The following MYO5B variants were observed in gnomAD, a reference collection of about 807,000 sequenced individuals.
The protein encoded by MYO5B is myosin VB.
Under a neutral mutation model 229.3 loss-of-function variants are expected in MYO5B, and 143 were observed. The ratio of observed to expected loss-of-function variants is 0.62; its 90% CI spans 0.54 to 0.72. MYO5B has a LOEUF of 0.72. MYO5B is among the 30% of genes least tolerant of loss of function. The pLI is 0.00. For missense variants in MYO5B, 2,321 were observed against 2,331.0 expected, an observed-to-expected ratio of 1.00 and a Z score of 0.09; for synonymous variants, 918 against 885.2, an observed-to-expected ratio of 1.04 and a Z score of -0.66.
At chr18:50,076,768 C>CTG (rs1227352943) in intron 1 of MYO5B, among the ~76,000 whole-genome samples, 4 of 152,162 alleles carry the variant, frequency 2.6e-5, no homozygotes, top group Admixed American at 6.5e-5. Flanking sequence ...CAGAAGCTCC[C>CTG]TGTGTGTGTC....
chr18:50,055,225 G>GGGCCCCCCCCCCCCCC, intron 2 of MYO5B, 43 bp downstream of exon 2: 2 of 700,368 alleles, frequency 2.9e-6, no homozygotes, highest in East Asian at 2.7e-5. Flanking sequence ...TGAGCTCCCT[G>GGGCCCCCCCCCCCCCC]CCCCACCTCA....
chr18:49,974,624 G>T lies in MYO5B; in HGVS notation c.1057-9C>A. The T allele has an allele frequency of 1.2e-6, 2 of 1,612,346 alleles. No homozygotes were observed. The highest frequency in any genetic ancestry group is 1.7e-6 in the Non-Finnish European group (2 of 1,179,050). On this transcript the variant is annotated splice_polypyrimidine_tract_variant and intron_variant, in intron 9 of 39. Coordinates refer to ENST00000285039, the MANE Select transcript of MYO5B (RefSeq NM_001080467.3). The stretch of plus-strand genomic sequence containing the variant: ...AGGTATACATCCTGGGGCTGTGGGA[G>T]ATGGGGGAGATAGGTTCAGGAGGAG...
chr18:49,962,406 G>C lies in MYO5B; in HGVS notation c.1405C>G (p.His469Asp). 1 of 1,614,116 alleles carries C rather than the reference G, an allele frequency of 6.2e-7. No homozygotes were observed. The highest frequency in any genetic ancestry group is 8.5e-7 in the Non-Finnish European group (1 of 1,180,006). Residue 469 changes from histidine (H) to aspartate (D), a missense_variant and splice_region_variant, in exon 12 of 40, where the codon CAT becomes GAT. Transcript: ENST00000285039. ...TCTTCTTGCTCCAGTTTGAAAACAT[G>C]CTAGGGCAAGTAAAAAGGTCACACG... ...NEKLQQQFNS[H>D]VFKLEQEEYM...
chr18:50,192,639 G>A (rs551767078), intron 1 of MYO5B, among the ~76,000 whole-genome samples: 16 of 152,294 alleles, frequency 1.1e-4, no homozygotes, highest in African/African-American at 3.6e-4. Flanking sequence ...TCTCAAAGAA[G>A]AGCAATTTTG....
At chr18:50,063,268 G>A (rs2030734753) in intron 1 of MYO5B, among the ~76,000 whole-genome samples, 1 of 152,170 alleles carries the variant, frequency 6.6e-6, no homozygotes, top group African/African-American at 2.4e-5. Context: ...AAGTCTTCCT[G>A]AACCAGTAAT....
chr18:49,876,321 C>T (rs2144100703), intron 25 of MYO5B: 1 of 260,554 alleles, frequency 3.8e-6, no homozygotes, highest in Non-Finnish European at 7.4e-6. Flanking sequence ...CCTATTTATC[C>T]AACAGATCTT....
At chr18:50,039,371 A>AC (rs1182243137) in intron 3 of MYO5B, among the ~76,000 whole-genome samples, 1 of 152,102 alleles carries the variant, frequency 6.6e-6, no homozygotes, top group Non-Finnish European at 1.5e-5. Flanking sequence ...TCACTTTGTC[A>AC]CCCAGGCTGG....
At chr18:50,134,544 GACTCCA>G (rs1231013971) in intron 1 of MYO5B, among the ~76,000 whole-genome samples, 5 of 148,258 alleles carry the variant, frequency 3.4e-5, no homozygotes, top group African/African-American at 1.3e-4. Flanking sequence ...GATAGAGTGA[GACTCCA>G]TCTCAATAAA....
chr18:49,861,664 A>C (rs1598839531), intron 29 of MYO5B, among the ~76,000 whole-genome samples: 1 of 150,976 alleles, frequency 6.6e-6, no homozygotes, highest in South Asian at 2.1e-4. Context: ...CAGTGGCTGG[A>C]AACTGCCCCA....
At chr18:49,913,538 C>T (rs1177797760) in intron 17 of MYO5B, among the ~76,000 whole-genome samples, 1 of 152,142 alleles carries the variant, frequency 6.6e-6, no homozygotes, top group Admixed American at 6.5e-5. Flanking sequence ...CCCACCCACT[C>T]TCATCTTCCG....
At chr18:49,947,912 TTACATCTGTA>T (rs1289208923) in intron 14 of MYO5B, among the ~76,000 whole-genome samples, 2 of 152,224 alleles carry the variant, frequency 1.3e-5, no homozygotes, top group African/African-American at 4.8e-5. Context: ...TGCAGGTTTG[TTACATCTGTA>T]TACATATGTA....
At chr18:50,045,736 A>G (rs896123062) in intron 2 of MYO5B, among the ~76,000 whole-genome samples, 1 of 152,180 alleles carries the variant, frequency 6.6e-6, no homozygotes, top group Non-Finnish European at 1.5e-5. Context: ...TAAGGGTCCA[A>G]TAACTACATG....
At chr18:50,177,021 G>C (rs113249879) in intron 1 of MYO5B, among the ~76,000 whole-genome samples, 1 of 152,128 alleles carries the variant, frequency 6.6e-6, no homozygotes, top group African/African-American at 2.4e-5. Flanking sequence ...GCACTGTAAG[G>C]GAGATAATGA....
intron 1 of MYO5B, among the ~76,000 whole-genome samples, chr18:50,133,884 C>G (rs963556845): frequency 8.5e-5 from 13 of 152,172 alleles, no homozygotes; most frequent in African/African-American, 2.6e-4. Context: ...TATTTAAACA[C>G]AAAAGGGAGC....
intron 21 of MYO5B, among the ~76,000 whole-genome samples, chr18:49,898,723 T>C (rs982952269): frequency 1.3e-5 from 2 of 152,180 alleles, no homozygotes; most frequent in Non-Finnish European, 2.9e-5. Flanking sequence ...CTCAAGCCAC[T>C]CAGTTTTCTT....
intron 4 of MYO5B, among the ~76,000 whole-genome samples, chr18:50,021,240 G>A (rs2144358390): frequency 6.6e-6 from 1 of 152,310 alleles, no homozygotes; most frequent in South Asian, 2.1e-4. Context: ...CCACTGGATG[G>A]AGCAAATTAT....
chr18:50,122,767 C>T (rs192174469), intron 1 of MYO5B, among the ~76,000 whole-genome samples: 3 of 151,434 alleles, frequency 2.0e-5, no homozygotes, highest in Admixed American at 1.3e-4. Flanking sequence ...AATAAGACAC[C>T]ATTTTACATC....
chr18:49,831,145 C>A (rs2023915280), intron 39 of MYO5B, among the ~76,000 whole-genome samples: 1 of 152,062 alleles, frequency 6.6e-6, no homozygotes, highest in Non-Finnish European at 1.5e-5. Context: ...CAAAAATTAA[C>A]TCTGAATGGA....
At position 49,863,245 on chromosome 18, in the gene MYO5B, C is replaced by T; in HGVS notation, c.3926G>A (p.Gly1309Glu). The T allele has an allele frequency of 6.2e-7, 1 of 1,613,136 alleles. No individual in the cohort carries two copies. Among genetic ancestry groups the T allele is most frequent in the Non-Finnish European group, 8.5e-7 (1 of 1,179,934 alleles). ...GCCTTACCTGTTTGTCTGGCAGACC[C>T]CGTGATAGGCCTCAATGGCATCCTC... ...DQEDAIEAYH[G>E]VCQTNSKTED... The change falls in exon 29 of 40, where the codon GGG becomes GAG. Residue 1309 changes from glycine (G) to glutamate (E), a missense_variant. Physicochemically the swap from Gly to Glu is moderately conservative, Grantham distance 98 (BLOSUM62 -2). Around this residue, in one of 2 missense-constraint regions of MYO5B, gnomAD observed 2,113 missense variants for 2,044.7 expected, o/e 1.03. Coordinates refer to ENST00000285039, the MANE Select transcript of MYO5B (RefSeq NM_001080467.3).
Sources: allele counts gnomAD v4.1 joint callset (sites outside exome capture counted in the v4.1 genomes callset), GRCh38; gene constraint gnomAD v4.1.1; regional missense constraint gnomAD v4.1.1; transcripts MANE v1.5; gene names NCBI Gene and HGNC (gene_info 2026-07-23, HGNC 2026-07-21).